The following RSPO4 variants were observed in gnomAD, a reference collection of about 807,000 sequenced individuals.
RSPO4 encodes R-spondin 4.
Under a neutral mutation model 24.8 loss-of-function variants are expected in RSPO4, and 23 were observed. The observed-to-expected ratio is 0.93, with a 90% CI of 0.67 to 1.31. The LOEUF (loss-of-function observed/expected upper bound fraction) is 1.31. Ranked by LOEUF, RSPO4 falls within the 40% of genes most tolerant of loss-of-function variation. RSPO4 has a pLI of 0.00. For missense variants in RSPO4, 333 were observed against 316.5 expected (o/e 1.05, Z -0.39); for synonymous variants, 141 against 127.4 (o/e 1.11, Z -0.72).
Position 967,958 on chromosome 20 carries a change from C to T in RSPO4, c.260G>A (p.Arg87Lys). 1 of 1,614,220 alleles carries T rather than the reference C, an allele frequency of 6.2e-7. No homozygotes were observed. Among genetic ancestry groups the T allele is most frequent in the South Asian group, 1.1e-5 (1 of 91,084 alleles). ...AGGGAGAAGCCACGTACTTTTGCAC[C>T]TGTTGACCTCCTGGCCGCGGATGCC... ...YFGIRGQEVNRCKKCGATCES... is the reference protein window; with the variant it reads ...YFGIRGQEVNKCKKCGATCES... The change falls in exon 2 of 5, where the codon AGG (arginine) becomes AAG (lysine). Residue 87 changes from arginine to lysine, a missense_variant. Arg to Lys is a conservative substitution (Grantham distance 26). Coordinates refer to ENST00000217260, the MANE Select transcript of RSPO4 (RefSeq NM_001029871.4).
intron 1 of RSPO4, among the ~76,000 whole-genome samples, chr20:975,389 C>T (rs1247715603): frequency 1.3e-5 from 2 of 152,160 alleles, no homozygotes; most frequent in African/African-American, 4.8e-5. Context: ...GGATGGCAGG[C>T]ACCCCATGTA....
chr20:972,345 C>T (rs930712640), intron 1 of RSPO4, among the ~76,000 whole-genome samples: 6 of 152,238 alleles, frequency 3.9e-5, no homozygotes, highest in Admixed American at 3.3e-4. Context: ...GGATTACAGG[C>T]CTGAGCCACA....
intron 1 of RSPO4, 101 bp from the exon 2 acceptor site, chr20:968,239 G>A: frequency 9.6e-7 from 1 of 1,041,438 alleles, no homozygotes; most frequent in East Asian, 2.5e-5. Flanking sequence ...TAGTAACTGG[G>A]CACATGGCCA....
At chr20:1,000,164 T>A (rs1239723270) in intron 1 of RSPO4, among the ~76,000 whole-genome samples, 2 of 152,178 alleles carry the variant, frequency 1.3e-5, no homozygotes, top group African/African-American at 4.8e-5. Context: ...CCACCACACC[T>A]GGCCTAAACC....
intron 1 of RSPO4, among the ~76,000 whole-genome samples, chr20:997,781 G>A (rs1029101625): frequency 7.9e-5 from 12 of 152,218 alleles, no homozygotes; most frequent in Non-Finnish European, 1.5e-4. Flanking sequence ...GGCCTCTGGA[G>A]TGGGCACTGC....
intron 3 of RSPO4, 57 bp from the exon 4 acceptor site, chr20:964,177 G>A: frequency 6.9e-7 from 1 of 1,458,202 alleles, no homozygotes; most frequent in Non-Finnish European, 9.3e-7. Context: ...CGGCAGTGAG[G>A]GTCCTTCAGA....
intron 1 of RSPO4, among the ~76,000 whole-genome samples, chr20:986,771 G>A (rs1160533727): frequency 6.6e-6 from 1 of 151,990 alleles, no homozygotes; most frequent in Admixed American, 6.6e-5. Flanking sequence ...AATACACAAC[G>A]AGCTCCTATA....
intron 1 of RSPO4, among the ~76,000 whole-genome samples, chr20:990,718 G>A (rs1166732402): frequency 6.6e-6 from 1 of 152,178 alleles, no homozygotes; most frequent in Non-Finnish European, 1.5e-5. Context: ...CTCCTTGTGG[G>A]GGATTTTGAG....
chr20:968,282 T>A, intron 1 of RSPO4, 144 bp from the exon 2 acceptor site: 1 of 706,454 alleles, frequency 1.4e-6, no homozygotes. Context: ...CCACCTTCCC[T>A]TACAACTAGA....
rs61740632 is a variant in RSPO4, at chr20:964,006, T to G, written c.524A>C (p.His175Pro). The change falls in exon 4 of 5, where the codon CAT becomes CCT. Residue 175 changes from histidine to proline, a missense_variant. Transcript: ENST00000217260. ...SRVREAGRAG[H>P]EEAATCQVLS... ...CACCTGGCAGGTGGCTGCCTCCTCATGCCCAGCCCGGCCAGCCTCTCGTAC... is the reference window on the plus strand; with the variant it reads ...CACCTGGCAGGTGGCTGCCTCCTCAGGCCCAGCCCGGCCAGCCTCTCGTAC... 0.019 allele frequency: 30,386 copies of G among 1,613,850 alleles called. 342 individuals are homozygous for G. The highest frequency in any genetic ancestry group is 0.041 in the Middle Eastern group (248 of 6,022).
intron 4 of RSPO4, among the ~76,000 whole-genome samples, chr20:962,097 C>T (rs745915755): frequency 1.3e-5 from 2 of 152,210 alleles, no homozygotes; most frequent in African/African-American, 2.4e-5. Context: ...GTGTTAGAGG[C>T]ACTAGAGAGA....
At chr20:993,660 G>A (rs1279492004) in intron 1 of RSPO4, among the ~76,000 whole-genome samples, 1 of 152,160 alleles carries the variant, frequency 6.6e-6, no homozygotes, top group East Asian at 1.9e-4. Flanking sequence ...CTCAGGCTTT[G>A]GAATCAATTG....
At chr20:980,595 A>C (rs923290481) in intron 1 of RSPO4, among the ~76,000 whole-genome samples, 6 of 152,084 alleles carry the variant, frequency 3.9e-5, no homozygotes, top group Non-Finnish European at 8.8e-5. Flanking sequence ...GATGAAGAAA[A>C]ATTACCTGCT....
chr20:998,555 G>C (rs6140907), intron 1 of RSPO4, among the ~76,000 whole-genome samples: 10,659 of 152,246 alleles, frequency 0.07, 426 homozygotes, highest in East Asian at 0.15. Context: ...GGGCCTGTGG[G>C]AACCAGGCCT....
Position 987,813 on chromosome 20 carries a change from GA to G in RSPO4, c.79+14272del, listed in dbSNP as rs146586075. Among the ~76,000 whole-genome samples the G allele has an allele frequency of 0.021, 3,143 of 152,120 alleles. 183 individuals carry two copies. In the East Asian group the frequency reaches 0.21, roughly 10 times the overall value. On this transcript the variant is annotated intron_variant, in intron 1 of 4. Coordinates refer to ENST00000217260, the MANE Select transcript of RSPO4 (RefSeq NM_001029871.4). ...CTCAAAAACAAACAAGATTAAAATG[GA>G]CACAATCACCCACCCACTGAAAAGC...
chr20:990,430 T>C (rs1181715696), intron 1 of RSPO4, among the ~76,000 whole-genome samples: 1 of 151,892 alleles, frequency 6.6e-6, no homozygotes, highest in African/African-American at 2.4e-5. Context: ...CAAGTGTATG[T>C]TTTCCTTCAT....
intron 4 of RSPO4, among the ~76,000 whole-genome samples, chr20:962,382 A>T (rs1984028242): frequency 6.6e-6 from 1 of 152,228 alleles, no homozygotes; most frequent in African/African-American, 2.4e-5. Flanking sequence ...CACTAAGCAC[A>T]GCCAGCACAT....
At chr20:985,114 T>C (rs1049582659) in intron 1 of RSPO4, among the ~76,000 whole-genome samples, 80 of 127,834 alleles carry the variant, frequency 6.3e-4, no homozygotes, top group African/African-American at 2.4e-3. Flanking sequence ...TATCCATCCA[T>C]CCATCCACCC....
At chr20:963,794 T>C (rs1984081944) in intron 4 of RSPO4, 141 bp downstream of exon 4, 1 of 835,106 alleles carries the variant, frequency 1.2e-6, no homozygotes, top group South Asian at 1.4e-5. Context: ...GGGAAGGTGA[T>C]GTGTACTCCA....
Sources: allele counts gnomAD v4.1 joint callset (sites outside exome capture counted in the v4.1 genomes callset), GRCh38; gene constraint gnomAD v4.1.1; transcripts MANE v1.5; gene names NCBI Gene and HGNC (gene_info 2026-07-23, HGNC 2026-07-21).